SH3RF3: variants seen among roughly 807,000 people sequenced by gnomAD.
The protein encoded by SH3RF3 is SH3 domain containing ring finger 3, also known as E3 ubiquitin-protein ligase SH3RF3.
SH3RF3 carries 29 observed loss-of-function variants against 66.3 expected under a neutral mutation model. The observed-to-expected ratio is 0.44, with a 90% CI of 0.33 to 0.60. The LOEUF (loss-of-function observed/expected upper bound fraction) is 0.60. Among genes scored for constraint, SH3RF3 ranks in the 20% least tolerant of loss-of-function variants. The pLI is 0.04. For synonymous variants in SH3RF3, 583 were observed against 532.0 expected, an observed-to-expected ratio of 1.10 and a Z score of -1.32; for missense variants, 1,194 against 1,190.9, an observed-to-expected ratio of 1.00 and a Z score of -0.04.
chr2:109,448,376 T>C (rs1468847653), intron 7 of SH3RF3, among the ~76,000 whole-genome samples: 2 of 152,214 alleles, frequency 1.3e-5, no homozygotes, highest in African/African-American at 2.4e-5. Context: ...CCATGGTCTG[T>C]TAGGAACTGG....
chr2:109,476,658 T>G (rs1437817994), intron 8 of SH3RF3, among the ~76,000 whole-genome samples: 1 of 152,228 alleles, frequency 6.6e-6, no homozygotes, highest in Non-Finnish European at 1.5e-5. Flanking sequence ...AAGAGAGGGT[T>G]CTTGGATCTC....
intron 8 of SH3RF3, among the ~76,000 whole-genome samples, chr2:109,478,510 T>A (rs768530409): frequency 1.6e-4 from 24 of 152,258 alleles, no homozygotes; most frequent in Non-Finnish European, 2.8e-4. Flanking sequence ...CATGAAAATG[T>A]ACTGAGGTTC....
At chr2:109,220,120 T>C (rs1218863943) in intron 1 of SH3RF3, among the ~76,000 whole-genome samples, 1 of 152,226 alleles carries the variant, frequency 6.6e-6, no homozygotes, top group Non-Finnish European at 1.5e-5. Flanking sequence ...AAACAAACTG[T>C]CACATGTATG....
chr2:109,285,335 G>A (rs1681007578), intron 1 of SH3RF3, among the ~76,000 whole-genome samples: 1 of 152,188 alleles, frequency 6.6e-6, no homozygotes, highest in African/African-American at 2.4e-5. Context: ...TTCATGGTGG[G>A]GTTAAGCCAG....
rs192899426 is a variant in SH3RF3 at position 109,429,742 on chromosome 2, T to C, written c.1404-2759T>C. 2.0e-5 allele frequency among the ~76,000 whole-genome samples: 3 copies of C among 152,324 alleles called. No homozygotes were observed. In the East Asian group the frequency reaches 5.8e-4, roughly 29 times the overall value. ...CAGAAGCTCCATCCCCTCGAGCTTTTGTGTCCGCAGCTGTGAAACATGTGC... is the reference window on the plus strand; with the variant it reads ...CAGAAGCTCCATCCCCTCGAGCTTTCGTGTCCGCAGCTGTGAAACATGTGC... On this transcript the variant is annotated intron_variant, in intron 5 of 9. Coordinates refer to ENST00000309415, the MANE Select transcript of SH3RF3 (RefSeq NM_001099289.3).
At chr2:109,379,418 C>T (rs1017318048) in intron 3 of SH3RF3, among the ~76,000 whole-genome samples, 2 of 152,172 alleles carry the variant, frequency 1.3e-5, no homozygotes, top group Admixed American at 6.5e-5. Flanking sequence ...TCCCACTCTC[C>T]AGGCGAGCCC....
At chr2:109,465,179 T>G (rs1678309608) in intron 8 of SH3RF3, among the ~76,000 whole-genome samples, 1 of 152,240 alleles carries the variant, frequency 6.6e-6, no homozygotes. Context: ...CTGAATAATA[T>G]TCCATTGTCC....
intron 1 of SH3RF3, among the ~76,000 whole-genome samples, chr2:109,203,480 C>T (rs1678734006): frequency 1.3e-5 from 2 of 152,138 alleles, no homozygotes; most frequent in South Asian, 4.1e-4. Context: ...CTTCTTAGTT[C>T]CTAAGTCCCA....
chr2:109,371,900 C>T (rs751595980), intron 3 of SH3RF3, among the ~76,000 whole-genome samples: 7 of 152,230 alleles, frequency 4.6e-5, no homozygotes, highest in Non-Finnish European at 8.8e-5. Context: ...GGTCCCAGGC[C>T]TGGCTGCAAG....
intron 9 of SH3RF3, among the ~76,000 whole-genome samples, chr2:109,499,346 G>A (rs1244160606): frequency 1.3e-5 from 2 of 152,220 alleles, no homozygotes; most frequent in Non-Finnish European, 2.9e-5. Context: ...TCAGCCAGGG[G>A]TTTTTAGGCA....
chr2:109,477,131 T>C (rs1678703819), intron 8 of SH3RF3, among the ~76,000 whole-genome samples: 1 of 152,208 alleles, frequency 6.6e-6, no homozygotes, highest in Admixed American at 6.5e-5. Flanking sequence ...ATGGAGTTGC[T>C]GTGGTTCAAA....
chr2:109,413,139 G>C lies in SH3RF3; in HGVS notation c.1300-6400G>C, dbSNP rs140455101. ...TTTTATATATATATTTTTTGAGATA[G>C]AGTCTTGCTCTGTCGCCCAGGCTGG... On this transcript the variant is annotated intron_variant, in intron 4 of 9. Coordinates refer to ENST00000309415, the MANE Select transcript of SH3RF3 (RefSeq NM_001099289.3). Among the ~76,000 whole-genome samples the C allele has an allele frequency of 7.3e-3, 1,111 of 152,296 alleles. 10 individuals carry two copies. Among genetic ancestry groups the C allele is most frequent in the East Asian group, 0.045 (232 of 5,184 alleles).
At chr2:109,414,719 C>G (rs1676677386) in intron 4 of SH3RF3, among the ~76,000 whole-genome samples, 1 of 152,190 alleles carries the variant, frequency 6.6e-6, no homozygotes, top group Admixed American at 6.5e-5. Flanking sequence ...CCAGGCACAC[C>G]AAACACTGCG....
intron 1 of SH3RF3, among the ~76,000 whole-genome samples, chr2:109,243,993 C>T (rs1022866511): frequency 2.0e-5 from 3 of 152,174 alleles, no homozygotes; most frequent in Non-Finnish European, 4.4e-5. Context: ...CTCATGTGCT[C>T]ATAGGTGAAG....
intron 8 of SH3RF3, among the ~76,000 whole-genome samples, chr2:109,479,103 A>G (rs1258226496): frequency 6.6e-6 from 1 of 152,152 alleles, no homozygotes. Flanking sequence ...GCACCAGCAC[A>G]CACTTCTCAA....
intron 1 of SH3RF3, among the ~76,000 whole-genome samples, chr2:109,264,705 TA>T (rs1357333751): frequency 2.6e-5 from 4 of 152,248 alleles, no homozygotes; most frequent in African/African-American, 9.6e-5. Flanking sequence ...GATGTTTCCG[TA>T]AGGGCTTTCT....
rs969741634 is a variant in SH3RF3 at position 109,292,142 on chromosome 2, C to T, written c.574-55532C>T. ...CCTCCCAAAGTGCTGGGATTACAGG[C>T]GTGAGCTACCGTGCCTGGCCCCAAT... is the stretch of plus-strand genomic sequence containing the variant. On this transcript the variant is annotated intron_variant, in intron 1 of 9. Coordinates refer to ENST00000309415, the MANE Select transcript of SH3RF3 (RefSeq NM_001099289.3). 3.9e-5 allele frequency among the ~76,000 whole-genome samples: 6 copies of T among 152,196 alleles called. No individual in the cohort carries two copies. In the South Asian group the frequency reaches 8.3e-4, roughly 21 times the overall value.
At chr2:109,413,790 G>A (rs1676654563) in intron 4 of SH3RF3, among the ~76,000 whole-genome samples, 1 of 152,232 alleles carries the variant, frequency 6.6e-6, no homozygotes, top group South Asian at 2.1e-4. Flanking sequence ...GAATGGGACA[G>A]AAACCAGGGG....
chr2:109,327,938 G>A (rs1388871841), intron 1 of SH3RF3, among the ~76,000 whole-genome samples: 1 of 152,104 alleles, frequency 6.6e-6, no homozygotes, highest in Non-Finnish European at 1.5e-5. Flanking sequence ...AATCATGGAG[G>A]GTCTAGGACA....
Sources: gnomAD v4.1 joint callset for allele counts (sites outside exome capture counted in the v4.1 genomes callset) on GRCh38, gnomAD v4.1.1 for gene constraint, MANE v1.5 for transcripts, NCBI Gene and HGNC (gene_info 2026-07-23, HGNC 2026-07-21) for gene names.